LBH: variants seen among roughly 807,000 people sequenced by gnomAD.
LBH encodes the protein protein LBH.
A neutral mutation model predicts 12.5 loss-of-function variants in LBH; 7 were observed. The ratio of observed to expected loss-of-function variants is 0.56; its 90% confidence interval spans 0.32 to 1.05. The LOEUF (loss-of-function observed/expected upper bound fraction) is 1.05. LBH is among the 50% of genes least tolerant of loss of function. LBH has a pLI of 0.04. For synonymous variants in LBH, 51 were observed against 50.1 expected (o/e 1.02, Z -0.08); for missense variants, 119 against 138.9 (o/e 0.86, Z 0.72).
At chr2:30,234,379 G>T in intron 1 of LBH, 26 bp from the exon 2 acceptor site, 1 of 1,582,666 alleles carries the variant, frequency 6.3e-7, no homozygotes, top group African/African-American at 1.3e-5. Flanking sequence ...TGTGTTTGTT[G>T]ACTTTTGGTC....
chr2:30,234,484 C>T lies in LBH; in HGVS notation c.106C>T (p.Arg36Cys), dbSNP rs760642339. 19 of 1,613,840 alleles carry T rather than the reference C, an allele frequency of 1.2e-5. No homozygotes were observed. The highest frequency in any genetic ancestry group is 5.5e-5 in the South Asian group (5 of 91,074). ...CATGGAGGAGATCGGCCTCAGCCCC[C>T]GCAAGGATGGCCTTTCCTACCAGGT... Reference protein sequence around the residue: ...QPMEEIGLSPRKDGLSYQIFP... With the variant: ...QPMEEIGLSPCKDGLSYQIFP... Residue 36 changes from arginine (R) to cysteine (C), a missense_variant, in exon 2 of 3, where the codon CGC (arginine) becomes TGC (cysteine). Arg to Cys is a radical substitution (Grantham distance 180). Coordinates refer to ENST00000395323, the MANE Select transcript of LBH (RefSeq NM_030915.4).
intron 2 of LBH, among the ~76,000 whole-genome samples, chr2:30,252,530 C>T (rs554136062): frequency 5.9e-5 from 9 of 152,166 alleles, no homozygotes; most frequent in South Asian, 2.1e-4. Flanking sequence ...GGCGTGGTGG[C>T]GGGCGCCTGT....
At chr2:30,239,979 A>G (rs942873700) in intron 2 of LBH, among the ~76,000 whole-genome samples, 2 of 152,000 alleles carry the variant, frequency 1.3e-5, no homozygotes, top group African/African-American at 4.8e-5. Flanking sequence ...AGCTTTCTTC[A>G]CTTTCCCAGC....
At chr2:30,243,031 A>G (rs926900659) in intron 2 of LBH, among the ~76,000 whole-genome samples, 2 of 152,258 alleles carry the variant, frequency 1.3e-5, no homozygotes, top group African/African-American at 4.8e-5. Context: ...AAGCTCTAGC[A>G]AATAGAATCT....
In LBH at chr2:30,259,396, G is replaced by T. The variant is rs967146518; in HGVS notation, c.*1775G>T. 2 of 152,592 alleles carry T rather than the reference G, an allele frequency of 1.3e-5. No individual in the cohort carries two copies. The highest frequency in any genetic ancestry group is 2.9e-5 in the Non-Finnish European group (2 of 68,046). 9.5% of individuals were successfully genotyped at this position (152,592 alleles called of 1,614,324 possible). A position where few individuals can be genotyped will look rare whatever the true frequency, so the allele number is the denominator to read the frequency against. The stretch of plus-strand genomic sequence containing the variant: ...CCAACTCCTCGCAGAAGTGGGAGAG[G>T]CCGGCAGCCTGCACCGAGAGGGGCT... On this transcript the variant is annotated 3_prime_UTR_variant, in exon 3 of 3. Coordinates refer to ENST00000395323, the MANE Select transcript of LBH (RefSeq NM_030915.4).
intron 2 of LBH, among the ~76,000 whole-genome samples, chr2:30,242,380 A>T (rs1677805378): frequency 6.6e-6 from 1 of 152,066 alleles, no homozygotes; most frequent in Non-Finnish European, 1.5e-5. Flanking sequence ...AGTAGCTGAG[A>T]TTACAGGCGA....
chr2:30,240,394 G>A (rs1677770965), intron 2 of LBH, among the ~76,000 whole-genome samples: 1 of 152,170 alleles, frequency 6.6e-6, no homozygotes, highest in Admixed American at 6.5e-5. Context: ...TCTAGTGAAT[G>A]TCCTGAAATG....
Position 30,258,131 on chromosome 2 carries a change from A to T in LBH, c.*510A>T, listed in dbSNP as rs1320630411. ...AGACATTCACTCTGGCTGCTGGGAC[A>T]TCAGAAAACAAAGTCTTCATCTCTC... On this transcript the variant is annotated 3_prime_UTR_variant, in exon 3 of 3. Transcript: ENST00000395323. 1 of 154,284 alleles carries T rather than the reference A, an allele frequency of 6.5e-6. No homozygotes were observed. The highest frequency in any genetic ancestry group is 1.4e-5 in the Non-Finnish European group (1 of 69,424). The allele number at this position is 154,284 out of a possible 1,614,324, so 9.6% of individuals were successfully genotyped here. A position where few individuals can be genotyped will look rare whatever the true frequency, so the allele number is the denominator to read the frequency against.
chr2:30,245,421 T>C (rs960766191), intron 2 of LBH, among the ~76,000 whole-genome samples: 3 of 152,214 alleles, frequency 2.0e-5, no homozygotes, highest in African/African-American at 7.2e-5. Context: ...GGGACTACAC[T>C]AGAAGTTCGG....
At chr2:30,249,536 G>A (rs76703795) in intron 2 of LBH, among the ~76,000 whole-genome samples, 3,618 of 152,324 alleles carry the variant, frequency 0.024, 57 homozygotes, top group Middle Eastern at 0.085. Flanking sequence ...AAGGCCTCTG[G>A]TTGGGGGCGG....
rs574272564 is a variant in LBH at position 30,252,819 on chromosome 2, T to C, written c.130-4614T>C. ...GGCTGCTGGATGTGGAGTCCAGGGC[T>C]GGCAGAGGGAGGAAGGTGTAGGGCT... On this transcript the variant is annotated intron_variant, in intron 2 of 2. Coordinates refer to ENST00000395323, the MANE Select transcript of LBH (RefSeq NM_030915.4). 3.9e-3 allele frequency among the ~76,000 whole-genome samples: 599 copies of C among 152,310 alleles called. 1 individual carries two copies. The highest frequency in any genetic ancestry group is 0.014 in the Middle Eastern group (4 of 294).
At chr2:30,254,794 G>T (rs1402897231) in intron 2 of LBH, among the ~76,000 whole-genome samples, 1 of 152,184 alleles carries the variant, frequency 6.6e-6, no homozygotes, top group East Asian at 1.9e-4. Flanking sequence ...GCAGGGCCAG[G>T]CTCTTCACAG....
At chr2:30,256,754 CTGACCTCG>C (rs1050774344) in intron 2 of LBH, 1 of 153,078 alleles carries the variant, frequency 6.5e-6, no homozygotes, top group African/African-American at 2.4e-5. Flanking sequence ...TCTCGATCTC[CTGACCTCG>C]TGATCCACCT....
chr2:30,248,595 C>T (rs989002620), intron 2 of LBH, among the ~76,000 whole-genome samples: 14 of 152,188 alleles, frequency 9.2e-5, no homozygotes, highest in African/African-American at 3.4e-4. Flanking sequence ...GTGCCACCCA[C>T]AGATGCCTGG....
intron 2 of LBH, among the ~76,000 whole-genome samples, chr2:30,250,725 T>G (rs2103561939): frequency 6.6e-6 from 1 of 152,118 alleles, no homozygotes; most frequent in Admixed American, 6.5e-5. Context: ...GGGAACTGGC[T>G]CACCGGCAAC....
chr2:30,244,260 A>C (rs1677838969), intron 2 of LBH, among the ~76,000 whole-genome samples: 1 of 152,146 alleles, frequency 6.6e-6, no homozygotes, highest in South Asian at 2.1e-4. Flanking sequence ...TGGCAGTTGA[A>C]GCATCAGGAA....
At chr2:30,241,711 C>T (rs572289544) in intron 2 of LBH, among the ~76,000 whole-genome samples, 7 of 152,114 alleles carry the variant, frequency 4.6e-5, no homozygotes, top group Non-Finnish European at 7.4e-5. Flanking sequence ...GATCCTCCCC[C>T]CTCAGCCTCC....
chr2:30,232,679 C>T (rs930285021), intron 1 of LBH: 1 of 154,920 alleles, frequency 6.5e-6, no homozygotes, highest in African/African-American at 2.4e-5. Context: ...GGGGTCCGGC[C>T]TGGCCCAAGA....
chr2:30,237,858 TG>T (rs1677715117), intron 2 of LBH, among the ~76,000 whole-genome samples: 1 of 152,110 alleles, frequency 6.6e-6, no homozygotes. Flanking sequence ...GGTGAGTAAA[TG>T]GTTGCTAGAA....
Sources: allele counts gnomAD v4.1 joint callset (sites outside exome capture counted in the v4.1 genomes callset), GRCh38; gene constraint gnomAD v4.1.1; transcripts MANE v1.5; gene names NCBI Gene and HGNC (gene_info 2026-07-23, HGNC 2026-07-21).